The following SEMA3C variants were observed in gnomAD, a reference collection of about 807,000 sequenced individuals.
The protein encoded by SEMA3C is semaphorin-3C.
Under a neutral mutation model 89.4 loss-of-function variants are expected in SEMA3C, and 47 were observed. The observed-to-expected ratio is 0.53, with a 90% confidence interval of 0.42 to 0.67. SEMA3C has a LOEUF of 0.67. Ranked by LOEUF, SEMA3C falls within the 30% of genes least tolerant of loss-of-function variation. SEMA3C has a pLI of 0.00. For synonymous variants in SEMA3C, 310 were observed against 320.2 expected, an observed-to-expected ratio of 0.97 and a Z score of 0.34; for missense variants, 839 against 929.1, an observed-to-expected ratio of 0.90 and a Z score of 1.26.
At chr7:80,818,553 C>T (rs955091311) in intron 4 of SEMA3C, 135 bp from the exon 5 acceptor site, 16 of 921,632 alleles carry the variant, frequency 1.7e-5, no homozygotes, top group Non-Finnish European at 2.2e-5. Flanking sequence ...AGTCCAGGGG[C>T]GTCCAATCTT....
intron 2 of SEMA3C, among the ~76,000 whole-genome samples, chr7:80,837,058 T>G (rs908369796): frequency 6.6e-6 from 1 of 152,210 alleles, no homozygotes; most frequent in African/African-American, 2.4e-5. Flanking sequence ...TAATTTTTCA[T>G]AAACGCACTG....
intron 2 of SEMA3C, among the ~76,000 whole-genome samples, chr7:80,849,976 T>C (rs1790474958): frequency 1.3e-5 from 2 of 151,962 alleles, no homozygotes; most frequent in South Asian, 2.1e-4. Flanking sequence ...TAAAATAAAA[T>C]GGGCAATGCT....
At position 80,804,227 on chromosome 7, in the gene SEMA3C, T is replaced by C. The variant is rs1010518540; in HGVS notation, c.680A>G (p.His227Arg). ...TGGATCAGTACCATCTGGGATGACATGTGCATCTACAAACATAGGTTCTAG... is the reference window on the plus strand; with the variant it reads ...TGGATCAGTACCATCTGGGATGACACGTGCATCTACAAACATAGGTTCTAG... ...WLSEPMFVDA[H>R]VIPDGTDPND... Residue 227 changes from histidine to arginine, a missense_variant, in exon 8 of 18, where the codon CAT (histidine) becomes CGT (arginine). Coordinates refer to ENST00000265361, the MANE Select transcript of SEMA3C (RefSeq NM_006379.5). The C allele has an allele frequency of 1.9e-6, 3 of 1,606,046 alleles. No individual in the cohort carries two copies. The African/African-American group carries it at 4.0e-5, about 22-fold the overall frequency.
chr7:80,922,125 A>C (rs1019480071), upstream of SEMA3C: 1 of 477,862 alleles, frequency 2.1e-6, no homozygotes, highest in Non-Finnish European at 3.4e-6. Context: ...TTCTTTAATG[A>C]AGTTACAATT....
intron 17 of SEMA3C, among the ~76,000 whole-genome samples, chr7:80,746,342 TGGAG>T (rs1444652507): frequency 1.3e-5 from 2 of 152,090 alleles, no homozygotes; most frequent in Admixed American, 1.3e-4. Flanking sequence ...GAGAATCACT[TGGAG>T]GAAGAAAACA....
chr7:80,905,166 A>G (rs969621183), intron 2 of SEMA3C, among the ~76,000 whole-genome samples: 8 of 145,558 alleles, frequency 5.5e-5, no homozygotes, highest in Admixed American at 2.7e-4. Context: ...GCAACCCTCA[A>G]TTATGGCCAT....
At chr7:80,793,521 G>A (rs750081490) in intron 11 of SEMA3C, 1 of 431,682 alleles carries the variant, frequency 2.3e-6, no homozygotes, top group South Asian at 1.7e-5. Context: ...CATATTCAAA[G>A]CAAAATAACA....
intron 4 of SEMA3C, among the ~76,000 whole-genome samples, chr7:80,826,400 C>T (rs576020937): frequency 3.3e-5 from 5 of 152,178 alleles, no homozygotes; most frequent in Admixed American, 6.5e-5. Flanking sequence ...CGTGTTGACT[C>T]GTCTGTCCAC....
intron 15 of SEMA3C, 47 bp downstream of exon 15, chr7:80,758,284 G>C: frequency 6.3e-7 from 1 of 1,579,158 alleles, no homozygotes; most frequent in Non-Finnish European, 8.6e-7. Flanking sequence ...CTTCTGTATT[G>C]TCTGGTGTCC....
chr7:80,775,794 A>G (rs942014356), intron 12 of SEMA3C, among the ~76,000 whole-genome samples: 1 of 152,104 alleles, frequency 6.6e-6, no homozygotes, highest in African/African-American at 2.4e-5. Context: ...ATATATATGA[A>G]TACATTACCT....
At chr7:80,754,618 AG>A (rs1298196847) in intron 15 of SEMA3C, among the ~76,000 whole-genome samples, 1 of 152,216 alleles carries the variant, frequency 6.6e-6, no homozygotes, top group African/African-American at 2.4e-5. Context: ...CATAATTTGG[AG>A]AATGTAAATA....
intron 2 of SEMA3C, among the ~76,000 whole-genome samples, chr7:80,911,116 G>T (rs1332771575): frequency 1.3e-5 from 2 of 152,118 alleles, no homozygotes; most frequent in African/African-American, 4.8e-5. Context: ...TATAGGGAAT[G>T]AATTTTATTT....
At chr7:80,833,119 T>C (rs1172154139) in intron 2 of SEMA3C, among the ~76,000 whole-genome samples, 1 of 152,116 alleles carries the variant, frequency 6.6e-6, no homozygotes, top group Non-Finnish European at 1.5e-5. Flanking sequence ...GCAGTTCTCC[T>C]CCTTGCCTGT....
chr7:80,790,489 C>CG (rs1739435478), intron 11 of SEMA3C, among the ~76,000 whole-genome samples: 1 of 152,128 alleles, frequency 6.6e-6, no homozygotes, highest in South Asian at 2.1e-4. Context: ...TTAGAATGGC[C>CG]TACAGGCCTC....
intron 12 of SEMA3C, among the ~76,000 whole-genome samples, chr7:80,778,674 ATG>A (rs1223710088): frequency 4.6e-5 from 7 of 151,940 alleles, no homozygotes; most frequent in African/African-American, 1.7e-4. Context: ...CTTTCTGTTC[ATG>A]TCTCAGGTCT....
rs576428970 is a variant in SEMA3C at position 80,785,713 on chromosome 7, G to A, written c.1354+3593C>T. Among the ~76,000 whole-genome samples the A allele has an allele frequency of 4.6e-5, 7 of 152,194 alleles. No individual in the cohort carries two copies. In the East Asian group the frequency reaches 1.2e-3, roughly 25 times the overall value. On this transcript the variant is annotated intron_variant, in intron 12 of 17. Coordinates refer to ENST00000265361, the MANE Select transcript of SEMA3C (RefSeq NM_006379.5). ...TCACTCACCACAACCTCCACCTCTC[G>A]GGTTCAAGCCTCAGCCTCCCGAGTA...
chr7:80,910,347 A>G (rs1161293880), intron 2 of SEMA3C, among the ~76,000 whole-genome samples: 1 of 152,244 alleles, frequency 6.6e-6, no homozygotes, highest in Non-Finnish European at 1.5e-5. Flanking sequence ...GGTTGAAATG[A>G]TTGTTTCTGA....
At chr7:80,900,940 G>T (rs77372265) in intron 2 of SEMA3C, among the ~76,000 whole-genome samples, 1 of 152,192 alleles carries the variant, frequency 6.6e-6, no homozygotes, top group Admixed American at 6.5e-5. Flanking sequence ...TAGAACAGAA[G>T]ATGTTGGATA....
intron 14 of SEMA3C, among the ~76,000 whole-genome samples, chr7:80,759,392 A>T (rs1366176144): frequency 6.6e-6 from 1 of 152,178 alleles, no homozygotes; most frequent in Non-Finnish European, 1.5e-5. Context: ...ATCTCTGGAG[A>T]CACCATGGGC....
Sources: allele counts gnomAD v4.1 joint callset (sites outside exome capture counted in the v4.1 genomes callset), GRCh38; gene constraint gnomAD v4.1.1; transcripts MANE v1.5; gene names NCBI Gene and HGNC (gene_info 2026-07-23, HGNC 2026-07-21).